PHKB: variants seen among roughly 807,000 people sequenced by gnomAD.
PHKB encodes phosphorylase b kinase regulatory subunit beta.
PHKB carries 122 observed loss-of-function variants against 152.1 expected under a neutral mutation model. The observed-to-expected ratio is 0.80, with a 90% confidence interval of 0.69 to 0.93. The LOEUF is 0.93. PHKB is among the 40% of genes least tolerant of loss of function. The pLI is 0.00. For missense variants in PHKB, 1,304 were observed against 1,328.4 expected (o/e 0.98, Z 0.29); for synonymous variants, 436 against 464.9 (o/e 0.94, Z 0.80).
chr16:47,566,666 T>A, intron 7 of PHKB: 1 of 879,720 alleles, frequency 1.1e-6, no homozygotes, highest in South Asian at 1.3e-5. Flanking sequence ...AAGCAGCCCC[T>A]GGAGCAGTGG....
intron 1 of PHKB, chr16:47,463,159 C>T (rs73547284): frequency 0.068 from 10,412 of 152,636 alleles, 589 homozygotes; most frequent in African/African-American, 0.15. Flanking sequence ...TTCATAAGCT[C>T]ATAGAGTTGA....
At chr16:47,532,129 C>T (rs545538679) in intron 6 of PHKB, among the ~76,000 whole-genome samples, 60 of 152,242 alleles carry the variant, frequency 3.9e-4, no homozygotes, top group African/African-American at 1.3e-3. Flanking sequence ...ATTTAAACCC[C>T]GATCATATGC....
chr16:47,485,532 G>T (rs1382637386), intron 1 of PHKB, among the ~76,000 whole-genome samples: 1 of 152,180 alleles, frequency 6.6e-6, no homozygotes, highest in Non-Finnish European at 1.5e-5. Flanking sequence ...GAATAAATTT[G>T]TAAACTGGTC....
intron 1 of PHKB, among the ~76,000 whole-genome samples, chr16:47,473,138 A>G (rs991438097): frequency 6.8e-6 from 1 of 146,498 alleles, no homozygotes; most frequent in Admixed American, 6.9e-5. Flanking sequence ...GCACTGTCAC[A>G]GTTCACTGCA....
chr16:47,667,320 A>G (rs1973556873), intron 25 of PHKB, among the ~76,000 whole-genome samples: 1 of 152,124 alleles, frequency 6.6e-6, no homozygotes, highest in African/African-American at 2.4e-5. Flanking sequence ...CTTTGGTTTC[A>G]GTGCCTTGGG....
intron 7 of PHKB, among the ~76,000 whole-genome samples, chr16:47,572,621 T>C (rs1276384147): frequency 6.6e-6 from 1 of 152,214 alleles, no homozygotes; most frequent in Non-Finnish European, 1.5e-5. Flanking sequence ...AAGGCTGACC[T>C]GTCCTCTCAT....
chr16:47,658,051 T>C (rs1244496301), intron 20 of PHKB, among the ~76,000 whole-genome samples: 1 of 152,194 alleles, frequency 6.6e-6, no homozygotes, highest in Non-Finnish European at 1.5e-5. Context: ...CTCCAATGAC[T>C]TCCTCTCTCA....
intron 14 of PHKB, among the ~76,000 whole-genome samples, chr16:47,627,381 A>G (rs1054948096): frequency 6.6e-6 from 1 of 152,246 alleles, no homozygotes; most frequent in Non-Finnish European, 1.5e-5. Context: ...AAAATATAGA[A>G]ACACCAGTTA....
At chr16:47,545,416 T>C (rs959764404) in intron 6 of PHKB, among the ~76,000 whole-genome samples, 1 of 152,228 alleles carries the variant, frequency 6.6e-6, no homozygotes, top group Non-Finnish European at 1.5e-5. Flanking sequence ...TGGCGAATAT[T>C]GGCCCCCACT....
At chr16:47,470,999 ACAATCAC>A (rs1480525953) in intron 1 of PHKB, among the ~76,000 whole-genome samples, 1 of 152,186 alleles carries the variant, frequency 6.6e-6, no homozygotes, top group Non-Finnish European at 1.5e-5. Context: ...CTCTCCTTGT[ACAATCAC>A]CCTAGTCAAT....
chr16:47,505,049 C>T (rs1048668133), intron 4 of PHKB, among the ~76,000 whole-genome samples: 5 of 152,208 alleles, frequency 3.3e-5, no homozygotes, highest in African/African-American at 1.2e-4. Context: ...ACTGATGGAA[C>T]CATCTAGTGT....
chr16:47,635,153 G>A lies in PHKB; in HGVS notation c.1459-5882G>A, dbSNP rs149585976. Among the ~76,000 whole-genome samples, 61 of 152,204 alleles carry A rather than the reference G, an allele frequency of 4.0e-4. 1 individual carries two copies. The East Asian group carries it at 9.1e-3, about 23-fold the overall frequency. On this transcript the variant is annotated intron_variant, in intron 14 of 30. Coordinates refer to ENST00000323584, the MANE Select transcript of PHKB (RefSeq NM_000293.3). ...GAGGTAGAGCCAATACGAGTTCTTC[G>A]TGAATTAGCAGCACGTCACAGAGGC...
intron 23 of PHKB, among the ~76,000 whole-genome samples, chr16:47,662,808 G>A (rs1973466754): frequency 6.6e-6 from 1 of 152,108 alleles, no homozygotes. Context: ...ATCTAAAACA[G>A]TAGGATTTTT....
Position 47,594,162 on chromosome 16 carries a change from A to C in PHKB, c.1152A>C (p.Gln384His). 2 of 1,570,654 alleles carry C rather than the reference A, an allele frequency of 1.3e-6. No homozygotes were observed. The highest frequency in any genetic ancestry group is 2.2e-5 in the South Asian group (2 of 90,090). Reference sequence around the variant, plus strand: ...GAGTTTTTAGAGGCAATCCTAAGCAAGTACAGGAATATCAGGATCTTTTGA... The same window carrying C: ...GAGTTTTTAGAGGCAATCCTAAGCACGTACAGGAATATCAGGATCTTTTGA... Reference protein sequence around the residue: ...IDGVFRGNPKQVQEYQDLLTP... With the variant: ...IDGVFRGNPKHVQEYQDLLTP... Residue 384 changes from glutamine to histidine, a missense_variant, in exon 12 of 31, where the codon CAA becomes CAC. Coordinates refer to ENST00000323584, the MANE Select transcript of PHKB (RefSeq NM_000293.3).
At chr16:47,680,093 C>T (rs925575341) in intron 26 of PHKB, among the ~76,000 whole-genome samples, 4 of 152,140 alleles carry the variant, frequency 2.6e-5, no homozygotes, top group Non-Finnish European at 5.9e-5. Context: ...ATATGTTGAA[C>T]CAGCCTTACA....
chr16:47,524,614 C>A (rs1597054551), intron 6 of PHKB, among the ~76,000 whole-genome samples: 1 of 152,126 alleles, frequency 6.6e-6, no homozygotes, highest in East Asian at 1.9e-4. Flanking sequence ...ACTAAAAATA[C>A]AAAAATTACC....
intron 15 of PHKB, among the ~76,000 whole-genome samples, chr16:47,641,387 C>T (rs1228157533): frequency 6.6e-6 from 1 of 152,178 alleles, no homozygotes; most frequent in African/African-American, 2.4e-5. Flanking sequence ...TCAGTGCTTT[C>T]CCTCCCTGTC....
chr16:47,525,518 A>C (rs1970751377), intron 6 of PHKB, among the ~76,000 whole-genome samples: 1 of 152,224 alleles, frequency 6.6e-6, no homozygotes, highest in African/African-American at 2.4e-5. Flanking sequence ...TACAAAATAC[A>C]TAAAAATAAC....
intron 16 of PHKB, among the ~76,000 whole-genome samples, chr16:47,642,178 A>G (rs1253372665): frequency 6.6e-6 from 1 of 152,110 alleles, no homozygotes; most frequent in Admixed American, 6.6e-5. Context: ...CTCATACCTA[A>G]ATATTTTTGA....
Sources: gnomAD v4.1 joint callset for allele counts (sites outside exome capture counted in the v4.1 genomes callset) on GRCh38, gnomAD v4.1.1 for gene constraint, MANE v1.5 for transcripts, NCBI Gene and HGNC (gene_info 2026-07-23, HGNC 2026-07-21) for gene names.